ZNF738: variants seen among roughly 807,000 people sequenced by gnomAD.
The protein encoded by ZNF738 is zinc finger protein 738, also known as protein ZNF738.
A neutral mutation model predicts 9.2 loss-of-function variants in ZNF738; 10 were observed. The observed-to-expected ratio is 1.09, with a 90% CI of 0.67 to 1.85. The LOEUF is 1.85. ZNF738 is among the 40% of genes most tolerant of loss of function. ZNF738 has a pLI of 0.00. For synonymous variants in ZNF738, 113 were observed against 94.5 expected (o/e 1.20, Z -1.14); for missense variants, 346 against 283.6 (o/e 1.22, Z -1.58).
chr19:21,383,899 G>C lies in ZNF738; in HGVS notation c.*225G>C, dbSNP rs1484523252. ...ACTACACATAAGATAATTCATACTG[G>C]AGAGAAACCCTACAAATGTGAAGAA... On this transcript the variant is annotated 3_prime_UTR_variant, in exon 5 of 5. Transcript: ENST00000683779. 1 of 1,430,240 alleles carries C rather than the reference G, an allele frequency of 7.0e-7. No individual in the cohort carries two copies. The highest frequency in any genetic ancestry group is 9.8e-7 in the Non-Finnish European group (1 of 1,019,168). The allele number at this position is 1,430,240 out of a possible 1,614,324, so 88.6% of individuals were successfully genotyped here.
chr19:21,369,686 G>C (rs1973831231), intron 2 of ZNF738, among the ~76,000 whole-genome samples: 1 of 152,146 alleles, frequency 6.6e-6, no homozygotes, highest in Non-Finnish European at 1.5e-5. Context: ...GGTTGGAGGT[G>C]TGTGGCATTA....
intron 2 of ZNF738, among the ~76,000 whole-genome samples, chr19:21,368,772 T>C (rs1230211799): frequency 6.6e-6 from 1 of 152,082 alleles, no homozygotes; most frequent in Non-Finnish European, 1.5e-5. Context: ...ATTCTTACTC[T>C]GTTGCTCAGG....
At chr19:21,377,511 TGC>T in intron 4 of ZNF738, 1 of 627,116 alleles carries the variant, frequency 1.6e-6, no homozygotes, top group Admixed American at 2.4e-5. Context: ...CACACAGACG[TGC>T]ACACACACAC....
intron 2 of ZNF738, among the ~76,000 whole-genome samples, chr19:21,367,417 G>C (rs887877230): frequency 9.2e-5 from 14 of 152,262 alleles, no homozygotes; most frequent in Admixed American, 2.0e-4. Flanking sequence ...ACTGGCATCT[G>C]CAGTGAGGAC....
At chr19:21,377,871 A>C (rs1973952659) in intron 4 of ZNF738, 1 of 381,238 alleles carries the variant, frequency 2.6e-6, no homozygotes, top group Admixed American at 4.5e-5. Flanking sequence ...AAACAAAGAG[A>C]CTTACTAATT....
chr19:21,373,278 G>A (rs1973879947), intron 2 of ZNF738, among the ~76,000 whole-genome samples: 1 of 152,118 alleles, frequency 6.6e-6, no homozygotes, highest in African/African-American at 2.4e-5. Flanking sequence ...CTTTCCACAG[G>A]TTCTGTTTAT....
chr19:21,362,568 A>G (rs1319731848), intron 2 of ZNF738, among the ~76,000 whole-genome samples: 2 of 152,212 alleles, frequency 1.3e-5, no homozygotes, highest in Non-Finnish European at 2.9e-5. Flanking sequence ...CAGCACTGCC[A>G]TTCCTGGATT....
intron 2 of ZNF738, among the ~76,000 whole-genome samples, chr19:21,369,030 G>A (rs1261035180): frequency 2.0e-5 from 3 of 152,064 alleles, no homozygotes; most frequent in African/African-American, 7.2e-5. Context: ...GAGCCACAGT[G>A]CCTGGCTTTG....
rs1157208798 is a variant in ZNF738 at position 21,387,727 on chromosome 19, C to T, written c.*4053C>T. 1.3e-5 allele frequency among the ~76,000 whole-genome samples: 2 copies of T among 152,022 alleles called. No individual in the cohort carries two copies. Among genetic ancestry groups the T allele is most frequent in the Admixed American group, 6.6e-5 (1 of 15,252 alleles). ...CAAAAGGTCTTTCAGAAAAATATAA[C>T]CCTTTAAAGTGAAGAAGAGAATTTA... On this transcript the variant is annotated 3_prime_UTR_variant, in exon 5 of 5. Coordinates refer to ENST00000683779, the MANE Select transcript of ZNF738 (RefSeq NM_001355237.2).
In ZNF738 at chr19:21,384,035, T is replaced by A; in HGVS notation, c.*361T>A. On this transcript the variant is annotated 3_prime_UTR_variant, in exon 5 of 5. Coordinates refer to ENST00000683779, the MANE Select transcript of ZNF738 (RefSeq NM_001355237.2). ...GTGGCAAAGCTTTCTACCGATTCAT[T>A]TACCTTACTACACATAAGAGAATTC... 2.0e-6 allele frequency: 3 copies of A among 1,517,594 alleles called. No homozygotes were observed. In the Admixed American group the frequency reaches 5.3e-5, roughly 27 times the overall value. The allele number at this position is 1,517,594 out of a possible 1,614,324, so 94.0% of individuals were successfully genotyped here. A position where few individuals can be genotyped will look rare whatever the true frequency, so the allele number is the denominator to read the frequency against.
intron 4 of ZNF738, among the ~76,000 whole-genome samples, chr19:21,376,630 G>A (rs530231685): frequency 3.9e-4 from 60 of 152,058 alleles, no homozygotes; most frequent in Non-Finnish European, 8.2e-4. Flanking sequence ...TTGGCTCATC[G>A]TAACCTCTGC....
Position 21,369,464 on chromosome 19 carries a change from G to A in ZNF738, c.97-5774G>A, listed in dbSNP as rs902845095. Reference sequence around the variant, plus strand: ...ATCAATAGGCAATTAGGTTTATTCCGTGTCTTTGTTATTGTGGACAGTGGT... The same window carrying A: ...ATCAATAGGCAATTAGGTTTATTCCATGTCTTTGTTATTGTGGACAGTGGT... On this transcript the variant is annotated intron_variant, in intron 2 of 4. Coordinates refer to ENST00000683779, the MANE Select transcript of ZNF738 (RefSeq NM_001355237.2). Among the ~76,000 whole-genome samples the A allele has an allele frequency of 7.2e-5, 11 of 152,154 alleles. No homozygotes were observed. The East Asian group carries it at 7.7e-4, about 11-fold the overall frequency.
rs532776042 is a variant in ZNF738 at position 21,384,431 on chromosome 19, T to C, written c.*757T>C. The stretch of plus-strand genomic sequence containing the variant: ...AGAAACCCTACAAATGTTTAGAATG[T>C]GGCAAAGATTTCTACCAATTCTCAT... On this transcript the variant is annotated 3_prime_UTR_variant, in exon 5 of 5. Coordinates refer to ENST00000683779, the MANE Select transcript of ZNF738 (RefSeq NM_001355237.2). Among the ~76,000 whole-genome samples, 4 of 152,258 alleles carry C rather than the reference T, an allele frequency of 2.6e-5. No homozygotes were observed. The East Asian group carries it at 7.7e-4, about 29-fold the overall frequency.
intron 4 of ZNF738, chr19:21,381,282 A>C: frequency 6.3e-7 from 1 of 1,591,924 alleles, no homozygotes. Context: ...TTGAACACAA[A>C]CTCACTGGAT....
chr19:21,381,892 G>C (rs1974009435), intron 4 of ZNF738: 2 of 269,270 alleles, frequency 7.4e-6, no homozygotes, highest in Non-Finnish European at 1.5e-5. Context: ...TCACAGCCTG[G>C]ACAGTTGCCT....
In ZNF738 at chr19:21,383,133, CAA is replaced by C. The variant is rs1269318850; in HGVS notation, c.588_589del (p.Arg197ThrfsTer10). 8.2e-6 allele frequency: 13 copies of C among 1,585,330 alleles called. No homozygotes were observed. The highest frequency in any genetic ancestry group is 1.7e-4 in the Middle Eastern group (1 of 5,914). ...TTTTTAAATTCAAATACACATAAGA[CAA>C]GACATACTGGAAAGAAACCTTTCAA... On this transcript the variant is annotated frameshift_variant, in exon 5 of 5. Coordinates refer to ENST00000683779, the MANE Select transcript of ZNF738 (RefSeq NM_001355237.2). LOFTEE classifies it low-confidence loss of function (END_TRUNC).
Position 21,387,974 on chromosome 19 carries a change from G to C in ZNF738, c.*4300G>C, listed in dbSNP as rs959167160. 6.8e-6 allele frequency among the ~76,000 whole-genome samples: 1 copy of C among 147,694 alleles called. No homozygotes were observed. Among genetic ancestry groups the C allele is most frequent in the Non-Finnish European group, 1.5e-5 (1 of 67,820 alleles). On this transcript the variant is annotated 3_prime_UTR_variant, in exon 5 of 5. Transcript: ENST00000683779. ...AGAAAACACCAGAGTTTATACTGAA[G>C]AATATTTTTGAAGATGCACTAAAAA... is the stretch of plus-strand genomic sequence containing the variant.
At chr19:21,362,864 A>G (rs2145217827) in intron 2 of ZNF738, among the ~76,000 whole-genome samples, 1 of 152,358 alleles carries the variant, frequency 6.6e-6, no homozygotes, top group South Asian at 2.1e-4. Context: ...AAGAAGAGGA[A>G]AAATGTCTAT....
intron 4 of ZNF738, chr19:21,377,534 A>ACACACAC: frequency 1.8e-6 from 1 of 557,448 alleles, no homozygotes. Context: ...ACACACACAC[A>ACACACAC]AAATTTGTCA....
Sources: gnomAD v4.1 joint callset for allele counts (sites outside exome capture counted in the v4.1 genomes callset) on GRCh38, gnomAD v4.1.1 for gene constraint, MANE v1.5 for transcripts, NCBI Gene and HGNC (gene_info 2026-07-23, HGNC 2026-07-21) for gene names.